CTDSP1: variants seen among roughly 807,000 people sequenced by gnomAD.
The protein encoded by CTDSP1 is carboxy-terminal domain RNA polymerase II polypeptide A small phosphatase 1.
A neutral mutation model predicts 32.5 loss-of-function variants in CTDSP1; 15 were observed. The observed-to-expected ratio is 0.46, with a 90% CI of 0.31 to 0.71. CTDSP1 has a LOEUF of 0.71. Among genes scored for constraint, CTDSP1 ranks in the 30% least tolerant of loss-of-function variants. The pLI is 0.05. For synonymous variants in CTDSP1, 185 were observed against 145.4 expected (o/e 1.27, Z -1.96); for missense variants, 294 against 351.1 (o/e 0.84, Z 1.30).
intron 1 of CTDSP1, chr2:218,401,338 C>T (rs1205777842): frequency 5.1e-6 from 3 of 587,664 alleles, no homozygotes; most frequent in African/African-American, 3.7e-5. Context: ...TATGTGGGCG[C>T]CTTAATACCT....
At chr2:218,399,620 G>T (rs1010713738), upstream of CTDSP1, 2 of 663,168 alleles carry the variant, frequency 3.0e-6, no homozygotes, top group African/African-American at 2.0e-5. Context: ...GAGGGCGCTC[G>T]GCGGCCTGGA....
At chr2:218,401,380 C>G (rs369295443) in intron 1 of CTDSP1, 184 bp from the exon 2 acceptor site, 1 of 635,268 alleles carries the variant, frequency 1.6e-6, no homozygotes. Context: ...GCTGCAGGAG[C>G]CTTGCAGTTG....
At chr2:218,400,351 C>T (rs1431428909) in intron 1 of CTDSP1, 194 bp downstream of exon 1, 8 of 696,904 alleles carry the variant, frequency 1.1e-5, no homozygotes, top group East Asian at 2.7e-5. Flanking sequence ...CGGGGCCTGG[C>T]GCCTTTGGGG....
upstream of CTDSP1, chr2:218,399,768 C>T (rs528673885): frequency 3.2e-4 from 334 of 1,050,640 alleles, 2 homozygotes; most frequent in African/African-American, 5.3e-3. Context: ...CTAGCCGCGC[C>T]GGTCCCAGAA....
At chr2:218,398,285 C>T (rs999599996), upstream of CTDSP1, 139 of 851,450 alleles carry the variant, frequency 1.6e-4, no homozygotes, top group Non-Finnish European at 1.8e-4. Context: ...TCTTGAAACT[C>T]AGTTTCCTCA....
chr2:218,401,007 G>GGCCGCC (rs58261712), intron 1 of CTDSP1: 9,965 of 443,462 alleles, frequency 0.022, 922 homozygotes, highest in African/African-American at 0.18. Context: ...CTGTCAATCA[G>GGCCGCC]GCTGCTGGGC....
At chr2:218,400,804 G>A (rs1697089915) in intron 1 of CTDSP1, 1 of 454,448 alleles carries the variant, frequency 2.2e-6, no homozygotes, top group Non-Finnish European at 4.4e-6. Flanking sequence ...CCGCCCCGAC[G>A]AGGCTGCGTC....
chr2:218,402,831 C>T (rs1365823139), intron 4 of CTDSP1: 19 of 674,706 alleles, frequency 2.8e-5, no homozygotes, highest in Non-Finnish European at 4.7e-5. Flanking sequence ...TAGGACTGGC[C>T]AGTGGAGTGG....
intron 4 of CTDSP1, chr2:218,402,763 C>T: frequency 1.4e-6 from 1 of 730,934 alleles, no homozygotes; most frequent in East Asian, 2.6e-5. Flanking sequence ...CCCTGGATTC[C>T]TGCACTAGGC....
chr2:218,402,383 A>T lies in CTDSP1; in HGVS notation c.356A>T (p.Glu119Val). The change falls in exon 4 of 7, where the codon GAG (glutamate) becomes GTG (valine). Residue 119 changes from glutamate (E) to valine (V), a missense_variant. Around this residue, in one of 2 missense-constraint regions of CTDSP1, gnomAD observed 146 missense variants for 237.7 expected, o/e 0.61. Transcript: ENST00000273062. ...AACGCGGACTTCATCATCCCTGTGGAGATTGATGGGGTGGTCCACCAGGTG... is the reference window on the plus strand; with the variant it reads ...AACGCGGACTTCATCATCCCTGTGGTGATTGATGGGGTGGTCCACCAGGTG... ...VNNADFIIPV[E>V]IDGVVHQVYV... 1 of 1,611,566 alleles carries T rather than the reference A, an allele frequency of 6.2e-7. No individual in the cohort carries two copies. Among genetic ancestry groups the T allele is most frequent in the Non-Finnish European group, 8.5e-7 (1 of 1,178,634 alleles).
At position 218,402,494 on chromosome 2, in the gene CTDSP1, A is replaced by AT. The variant is rs900280914; in HGVS notation, c.378+91dup. On this transcript the variant is annotated intron_variant, in intron 4 of 6. Coordinates refer to ENST00000273062, the MANE Select transcript of CTDSP1 (RefSeq NM_021198.3). ...CCAATCCGGAGCGCCTCGGATGGGA[A>AT]TTGGATACATGTGGAATGTCAGAGG... 56 of 1,299,894 alleles carry AT rather than the reference A, an allele frequency of 4.3e-5. No individual in the cohort carries two copies. The African/African-American group carries it at 7.3e-4, about 17-fold the overall frequency. The allele number at this position is 1,299,894 out of a possible 1,614,324, so 80.5% of individuals were successfully genotyped here. A position where few individuals can be genotyped will look rare whatever the true frequency, so the allele number is the denominator to read the frequency against.
At position 218,404,611 on chromosome 2, in the gene CTDSP1, T is replaced by C; in HGVS notation, c.*186T>C. The C allele has an allele frequency of 1.5e-6, 1 of 651,136 alleles. No homozygotes were observed. The highest frequency in any genetic ancestry group is 2.5e-6 in the Non-Finnish European group (1 of 393,254). The allele number at this position is 651,136 out of a possible 1,614,324, so 40.3% of individuals were successfully genotyped here. On this transcript the variant is annotated 3_prime_UTR_variant, in exon 7 of 7. Coordinates refer to ENST00000273062, the MANE Select transcript of CTDSP1 (RefSeq NM_021198.3). ...GGGCAGCAGGCTGCACTGAGGACCGTGAGCTCCAGGCCCCGTGTCAGTGCC... is the reference window on the plus strand; with the variant it reads ...GGGCAGCAGGCTGCACTGAGGACCGCGAGCTCCAGGCCCCGTGTCAGTGCC...
chr2:218,401,436 C>A, intron 1 of CTDSP1, 128 bp from the exon 2 acceptor site: 1 of 1,068,180 alleles, frequency 9.4e-7, no homozygotes, highest in Non-Finnish European at 1.4e-6. Context: ...TCAGGAGCTG[C>A]CTTCGTGTGT....
intron 1 of CTDSP1, chr2:218,401,326 C>T (rs1391465183): frequency 6.9e-6 from 4 of 576,176 alleles, no homozygotes; most frequent in African/African-American, 5.7e-5. Context: ...CCACGCACTC[C>T]CTATGTGGGC....
upstream of CTDSP1, chr2:218,399,755 C>A (rs1237331028): frequency 9.7e-7 from 1 of 1,032,444 alleles, no homozygotes; most frequent in Non-Finnish European, 1.2e-6. Context: ...CCTCCCAGTC[C>A]GCCTAGCCGC....
At position 218,405,671 on chromosome 2, in the gene CTDSP1, C is replaced by T. The variant is rs1225289796; in HGVS notation, c.*1246C>T. 1 of 153,090 alleles carries T rather than the reference C, an allele frequency of 6.5e-6. No homozygotes were observed. The highest frequency in any genetic ancestry group is 1.9e-4 in the East Asian group (1 of 5,344). 9.5% of individuals were successfully genotyped at this position (153,090 alleles called of 1,614,324 possible). ...GGGGGCAGCTCCCAGGATATCCTGC[C>T]TTCCAACTGTTTCTGAAGCCCCTCC... On this transcript the variant is annotated 3_prime_UTR_variant, in exon 7 of 7. Transcript: ENST00000273062.
chr2:218,402,233 G>T lies in CTDSP1; in HGVS notation c.321+18G>T. On this transcript the variant is annotated intron_variant, in intron 3 of 6. Transcript: ENST00000273062. ...CCTTCAAGGTGGGCCCTGCTCAACA[G>T]CCCTCAGCCCGGGTCTCGGGGGGCA... 1 of 1,612,416 alleles carries T rather than the reference G, an allele frequency of 6.2e-7. No homozygotes were observed. Among genetic ancestry groups the T allele is most frequent in the Non-Finnish European group, 8.5e-7 (1 of 1,178,748 alleles).
In CTDSP1 at chr2:218,400,037, G is replaced by C; in HGVS notation, c.-54G>C. The C allele has an allele frequency of 7.4e-7, 1 of 1,353,602 alleles. No individual in the cohort carries two copies. The highest frequency in any genetic ancestry group is 9.5e-7 in the Non-Finnish European group (1 of 1,049,754). The allele number at this position is 1,353,602 out of a possible 1,614,324, so 83.8% of individuals were successfully genotyped here. ...GCCCCGATTCCGGCCCCAGCCGGGG[G>C]GGAGGCCGGGCGCCCGGGCCAGAGT... On this transcript the variant is annotated 5_prime_UTR_variant, in exon 1 of 7. Transcript: ENST00000273062.
intron 3 of CTDSP1, 36 bp from the exon 4 acceptor site, chr2:218,402,313 C>T (rs780988397): frequency 9.9e-6 from 16 of 1,613,592 alleles, no homozygotes; most frequent in South Asian, 2.2e-5. Flanking sequence ...CCCTGGGGCT[C>T]CTCCTCCAAC....
Sources: gnomAD v4.1 joint callset for allele counts on GRCh38, gnomAD v4.1.1 for gene constraint, gnomAD v4.1.1 regional missense constraint, MANE v1.5 for transcripts, NCBI Gene and HGNC (gene_info 2026-07-23, HGNC 2026-07-21) for gene names.